The following NGLY1 variants were observed in gnomAD, a reference collection of about 807,000 sequenced individuals.
The protein encoded by NGLY1 is N-glycanase 1.
NGLY1 carries 68 observed loss-of-function variants against 84.6 expected under a neutral mutation model. The observed-to-expected ratio is 0.80, with a 90% CI of 0.66 to 0.98. NGLY1 has a LOEUF of 0.98. Among genes scored for constraint, NGLY1 ranks in the 50% least tolerant of loss-of-function variants. The pLI is 0.00. For synonymous variants in NGLY1, 280 were observed against 275.2 expected (o/e 1.02, Z -0.17); for missense variants, 779 against 770.2 (o/e 1.01, Z -0.14).
In NGLY1 at chr3:25,751,142, C is replaced by CT; in HGVS notation, c.613dup (p.Arg205LysfsTer11). 1 of 1,613,040 alleles carries CT rather than the reference C, an allele frequency of 6.2e-7. No homozygotes were observed. ...TCTCGATAACTTTTCTTGTGATTTCCTTTTTAGTTCTTGGACCGGAATACA... is the reference window on the plus strand; with the variant it reads ...TCTCGATAACTTTTCTTGTGATTTCCTTTTTTAGTTCTTGGACCGGAATACA... On this transcript the variant is annotated frameshift_variant, in exon 4 of 12. Coordinates refer to ENST00000280700, the MANE Select transcript of NGLY1 (RefSeq NM_018297.4). LOFTEE classifies it high-confidence loss of function.
chr3:25,719,730 G>T, intron 11 of NGLY1, 95 bp from the exon 12 acceptor site: 1 of 948,328 alleles, frequency 1.1e-6, no homozygotes, highest in Non-Finnish European at 1.5e-6. Context: ...TGATGTATAA[G>T]TTAAAATAAA....
chr3:25,783,480 ACCGGCAGGGGCGGGGTCCTCGG>A (rs28384487), upstream of NGLY1: 1,052 of 1,235,506 alleles, frequency 8.5e-4, 34 homozygotes, highest in African/African-American at 7.6e-3. The surrounding 1 kb of genome is among the most constrained non-coding windows in gnomAD (Gnocchi z 4.5). Flanking sequence ...TACCGCAGCC[ACCGGCAGGGGCGGGGTCCTCGG>A]CCGGCAGGGG....
chr3:25,784,340 C>G (rs981220332), upstream of NGLY1, among the ~76,000 whole-genome samples: 1 of 152,048 alleles, frequency 6.6e-6, no homozygotes, highest in Non-Finnish European at 1.5e-5. Flanking sequence ...ATAATAATTA[C>G]GCAATATTAT....
chr3:25,789,959 C>T, exon 1 of NGLY1: 1 of 1,464,050 alleles, frequency 6.8e-7, no homozygotes, highest in Non-Finnish European at 9.4e-7. Flanking sequence ...CCGCCTCCCA[C>T]GGTCTGACCT....
intron 3 of NGLY1, among the ~76,000 whole-genome samples, chr3:25,760,426 TAC>T (rs1707251872): frequency 6.6e-6 from 1 of 152,202 alleles, no homozygotes; most frequent in Non-Finnish European, 1.5e-5. Context: ...ATTTTTAACA[TAC>T]GCTAAGTATG....
intron 8 of NGLY1, among the ~76,000 whole-genome samples, 168 bp from the exon 9 acceptor site, chr3:25,732,651 A>G (rs1459547604): frequency 1.3e-5 from 2 of 152,224 alleles, no homozygotes; most frequent in African/African-American, 4.8e-5. Context: ...CACTGTGGAA[A>G]ACTTAAATAA....
intron 1 of NGLY1, among the ~76,000 whole-genome samples, chr3:25,779,832 A>C (rs1708327661): frequency 6.6e-6 from 1 of 152,240 alleles, no homozygotes; most frequent in Non-Finnish European, 1.5e-5. Context: ...TAATTTCAAA[A>C]ATCATGTTTA....
chr3:25,743,187 A>T (rs1186755954), intron 4 of NGLY1, among the ~76,000 whole-genome samples: 2 of 152,192 alleles, frequency 1.3e-5, no homozygotes, highest in Non-Finnish European at 2.9e-5. Context: ...GGCTCTGGGG[A>T]TACTTCGATT....
chr3:25,788,418 C>T (rs923106621), upstream of NGLY1, among the ~76,000 whole-genome samples: 6 of 152,012 alleles, frequency 3.9e-5, no homozygotes, highest in Admixed American at 1.3e-4. Context: ...CAAGAAGACA[C>T]GATGGAATTG....
rs1395079531 is a variant in NGLY1 at position 25,778,557 on chromosome 3, T to A, written c.246+17A>T. ...TTGTGCATGAAGAGGGGAGAGGAAA[T>A]CCTTGAACATACTTACCTCTTCAAA... On this transcript the variant is annotated intron_variant, in intron 2 of 11. Transcript: ENST00000280700. The A allele has an allele frequency of 6.9e-7, 1 of 1,452,576 alleles. No homozygotes were observed. The highest frequency in any genetic ancestry group is 9.6e-7 in the Non-Finnish European group (1 of 1,046,146). The allele number at this position is 1,452,576 out of a possible 1,614,324, so 90.0% of individuals were successfully genotyped here.
rs534506813 is a variant in NGLY1, at chr3:25,761,893, G to GATAT, written c.492+2169_492+2172dup. The stretch of plus-strand genomic sequence containing the variant: ...CAACAATAAAAAGGAACAAAATACT[G>GATAT]ATATATCCTGCAATACGAAGAACTT... On this transcript the variant is annotated intron_variant, in intron 3 of 11. Transcript: ENST00000280700. 7.0e-4 allele frequency among the ~76,000 whole-genome samples: 106 copies of GATAT among 152,220 alleles called. 3 individuals are homozygous for GATAT. In the East Asian group the frequency reaches 0.018, roughly 26 times the overall value.
chr3:25,782,952 C>G, intron 1 of NGLY1: 4 of 325,950 alleles, frequency 1.2e-5, no homozygotes, highest in South Asian at 3.6e-5. Flanking sequence ...GTCTGAAGCA[C>G]GCCTTCCTAC....
rs1039029600 is a variant in NGLY1 at position 25,736,245 on chromosome 3, A to G, written c.1004-96T>C. On this transcript the variant is annotated intron_variant, in intron 6 of 11. Transcript: ENST00000280700. ...CACAAACTCCTAAGAATCATAAAGT[A>G]ATGCATAATATTCTGAATTTCAGTT... The G allele has an allele frequency of 1.0e-5, 16 of 1,555,084 alleles. No individual in the cohort carries two copies. In the African/African-American group the frequency reaches 1.9e-4, roughly 19 times the overall value.
At chr3:25,736,463 AAGGAGT>A (rs1705831855) in intron 6 of NGLY1, 1 of 1,357,706 alleles carries the variant, frequency 7.4e-7, no homozygotes, top group Non-Finnish European at 1.0e-6. Flanking sequence ...TACTATCATG[AAGGAGT>A]TAATGCCACT....
chr3:25,753,922 T>C (rs1706893469), intron 3 of NGLY1, among the ~76,000 whole-genome samples: 1 of 152,228 alleles, frequency 6.6e-6, no homozygotes, highest in African/African-American at 2.4e-5. Flanking sequence ...TGTCAGGCAC[T>C]GTATTAAGCA....
At chr3:25,749,493 C>T (rs1381508029) in intron 4 of NGLY1, 28 of 1,568,502 alleles carry the variant, frequency 1.8e-5, no homozygotes, top group East Asian at 2.2e-5. Flanking sequence ...GCCTCATGGC[C>T]GCCCTCAGAC....
At chr3:25,760,688 C>T (rs892434241) in intron 3 of NGLY1, among the ~76,000 whole-genome samples, 5 of 151,792 alleles carry the variant, frequency 3.3e-5, no homozygotes, top group African/African-American at 9.7e-5. Context: ...GGAGAAACCC[C>T]GTCTCTACTA....
intron 10 of NGLY1, among the ~76,000 whole-genome samples, chr3:25,726,348 T>C (rs34544076): frequency 0.026 from 3,972 of 152,278 alleles, 68 homozygotes; most frequent in Middle Eastern, 0.051. Context: ...TCCCTAAGAA[T>C]TGTTTACAAT....
intron 4 of NGLY1, among the ~76,000 whole-genome samples, chr3:25,740,281 G>T (rs969355455): frequency 5.9e-5 from 9 of 152,058 alleles, no homozygotes; most frequent in African/African-American, 2.2e-4. Flanking sequence ...TTCTATTAGG[G>T]CTTCAACTGT....
Sources: allele counts gnomAD v4.1 joint callset (sites outside exome capture counted in the v4.1 genomes callset), GRCh38; gene constraint gnomAD v4.1.1; non-coding constraint Gnocchi (gnomAD v3.1); transcripts MANE v1.5; gene names NCBI Gene and HGNC (gene_info 2026-07-23, HGNC 2026-07-21).